Variants in HELZ observed in about 807,000 individuals in gnomAD.
The protein encoded by HELZ is helicase with zinc finger.
HELZ carries 23 observed loss-of-function variants against 218.2 expected under a neutral mutation model. The ratio of observed to expected loss-of-function variants is 0.11; its 90% CI spans 0.08 to 0.15. The LOEUF is 0.15. Ranked by LOEUF, HELZ falls within the 10% of genes least tolerant of loss-of-function variation. The pLI, the probability that HELZ is intolerant of heterozygous loss-of-function variation, is 1.00. For synonymous variants in HELZ, 814 were observed against 829.4 expected (o/e 0.98, Z 0.32); for missense variants, 1,813 against 2,353.7 (o/e 0.77, Z 4.75).
chr17:67,168,449 GA>G (rs2039214897), intron 13 of HELZ, among the ~76,000 whole-genome samples: 1 of 152,110 alleles, frequency 6.6e-6, no homozygotes. Flanking sequence ...ATAAAAGTCT[GA>G]ACACACCACT....
rs778786355 is a variant in HELZ, at chr17:67,078,447, C to A, written c.5634G>T (p.Ser1878=). ...AGCTCTGGGGGCTACTGCTATTGGC[C>A]GACTCCGCGATCTGCTTGTTAGGCA... ...PLMPNKQIAE[S]ANSSSPQSSA... The change falls in exon 33 of 33, where the codon TCG becomes TCT. Residue 1878 remains serine (S), a synonymous_variant. Transcript: ENST00000358691. 4.4e-6 allele frequency: 7 copies of A among 1,592,846 alleles called. No individual in the cohort carries two copies. Among genetic ancestry groups the A allele is most frequent in the Non-Finnish European group, 6.0e-6 (7 of 1,172,010 alleles).
intron 5 of HELZ, among the ~76,000 whole-genome samples, chr17:67,215,563 G>A (rs2040577468): frequency 6.6e-6 from 1 of 152,098 alleles, no homozygotes; most frequent in Non-Finnish European, 1.5e-5. Context: ...TGGCCAGGCT[G>A]GTCTCAAACT....
chr17:67,189,364 G>A (rs2039836232), intron 11 of HELZ, among the ~76,000 whole-genome samples: 1 of 150,702 alleles, frequency 6.6e-6, no homozygotes, highest in Admixed American at 6.6e-5. Context: ...AAATAAATAT[G>A]AAAGCACCCT....
intron 3 of HELZ, among the ~76,000 whole-genome samples, chr17:67,234,292 CA>C (rs149931184): frequency 0.37 from 30,382 of 82,876 alleles, 4,068 homozygotes; most frequent in African/African-American, 0.57. Context: ...CACTGTACTC[CA>C]AAAAAAAAAA....
In HELZ at chr17:67,076,771, C is replaced by T. The variant is rs1255941866; in HGVS notation, c.*1481G>A. On this transcript the variant is annotated 3_prime_UTR_variant, in exon 33 of 33. Transcript: ENST00000358691. Reference sequence around the variant, plus strand: ...GTACTTTGATTATAGGATTGCCTATCGAAAGTGGTCTTCCAAAAACCTGTT... The same window carrying T: ...GTACTTTGATTATAGGATTGCCTATTGAAAGTGGTCTTCCAAAAACCTGTT... 1 of 152,144 alleles carries T rather than the reference C, an allele frequency of 6.6e-6. No individual in the cohort carries two copies. The highest frequency in any genetic ancestry group is 1.5e-5 in the Non-Finnish European group (1 of 68,036). 9.4% of individuals were successfully genotyped at this position (152,144 alleles called of 1,614,324 possible).
chr17:67,109,788 A>G (rs1057073902), intron 28 of HELZ, 102 bp from the exon 29 acceptor site: 1 of 795,668 alleles, frequency 1.3e-6, no homozygotes, highest in Non-Finnish European at 2.0e-6. Flanking sequence ...TGATACATTG[A>G]TATCTTCCAG....
chr17:67,213,536 C>G (rs1456704642), intron 5 of HELZ, among the ~76,000 whole-genome samples: 1 of 152,112 alleles, frequency 6.6e-6, no homozygotes, highest in Non-Finnish European at 1.5e-5. Flanking sequence ...GCAGGAGAAT[C>G]ACTTGAACCT....
chr17:67,102,714 T>C (rs548168379), intron 31 of HELZ, among the ~76,000 whole-genome samples: 1 of 152,306 alleles, frequency 6.6e-6, no homozygotes, highest in African/African-American at 2.4e-5. Context: ...ACACTGAAAA[T>C]GTGAAAATCT....
intron 32 of HELZ, among the ~76,000 whole-genome samples, chr17:67,080,546 A>G (rs961976251): frequency 6.6e-6 from 1 of 152,112 alleles, no homozygotes; most frequent in Non-Finnish European, 1.5e-5. Context: ...TTGCCCATTT[A>G]CCCATCCAAA....
chr17:67,157,252 A>C (rs909334929), intron 17 of HELZ, among the ~76,000 whole-genome samples: 2 of 152,166 alleles, frequency 1.3e-5, no homozygotes, highest in Admixed American at 6.5e-5. Context: ...GAACGGCCTA[A>C]TACACTCATC....
At chr17:67,088,565 G>C (rs1330932557) in intron 31 of HELZ, among the ~76,000 whole-genome samples, 1 of 152,176 alleles carries the variant, frequency 6.6e-6, no homozygotes, top group Non-Finnish European at 1.5e-5. Flanking sequence ...TGTGCGGAGA[G>C]GCAGGAAAGC....
chr17:67,229,750 A>G (rs999382335), intron 3 of HELZ, among the ~76,000 whole-genome samples: 3 of 152,202 alleles, frequency 2.0e-5, no homozygotes, highest in Admixed American at 2.0e-4. Flanking sequence ...TGGAATCTAT[A>G]TAGTCCTATA....
Position 67,071,089 on chromosome 17 carries a change from G to C in HELZ, c.*7163C>G, listed in dbSNP as rs1341669615. The stretch of plus-strand genomic sequence containing the variant: ...GTATTTTAATCACCATATTTACCTA[G>C]GATACAACTACTACATATAGCCAGT... On this transcript the variant is annotated 3_prime_UTR_variant, in exon 33 of 33. Coordinates refer to ENST00000358691, the MANE Select transcript of HELZ (RefSeq NM_014877.4). 3.3e-5 allele frequency: 5 copies of C among 152,238 alleles called. No homozygotes were observed. Among genetic ancestry groups the C allele is most frequent in the African/African-American group, 1.2e-4 (5 of 41,384 alleles). The allele number at this position is 152,238 out of a possible 1,614,324, so 9.4% of individuals were successfully genotyped here. A position where few individuals can be genotyped will look rare whatever the true frequency, so the allele number is the denominator to read the frequency against.
At chr17:67,168,964 C>T (rs908653447) in intron 13 of HELZ, among the ~76,000 whole-genome samples, 1 of 152,062 alleles carries the variant, frequency 6.6e-6, no homozygotes, top group African/African-American at 2.4e-5. Flanking sequence ...TGGTGGCAGG[C>T]ACTTGTAATC....
intron 1 of HELZ, 159 bp downstream of exon 1, chr17:67,244,989 T>TCCCAGGCCCAGCCGCGGGCCG (rs2041440131): frequency 1.0e-6 from 1 of 985,314 alleles, no homozygotes; most frequent in African/African-American, 1.8e-5. Context: ...GAGCCGCGCT[T>TCCCAGGCCCAGCCGCGGGCCG]CCCAGGCCCA....
chr17:67,080,405 T>C (rs918279111), intron 32 of HELZ, among the ~76,000 whole-genome samples: 2 of 152,248 alleles, frequency 1.3e-5, no homozygotes, highest in Non-Finnish European at 2.9e-5. Context: ...CCTTCTTTAC[T>C]TTCCTCCTCT....
chr17:67,075,158 A>G lies in HELZ; in HGVS notation c.*3094T>C, dbSNP rs1323137706. 2 of 152,190 alleles carry G rather than the reference A, an allele frequency of 1.3e-5. No homozygotes were observed. Among genetic ancestry groups the G allele is most frequent in the African/African-American group, 4.8e-5 (2 of 41,456 alleles). The allele number at this position is 152,190 out of a possible 1,614,324, so 9.4% of individuals were successfully genotyped here. ...TTTAGATCATGAAAAGAATTTTTTCAGCATGAAGGCTCACTTTACAAACTC... is the reference window on the plus strand; with the variant it reads ...TTTAGATCATGAAAAGAATTTTTTCGGCATGAAGGCTCACTTTACAAACTC... On this transcript the variant is annotated 3_prime_UTR_variant, in exon 33 of 33. Coordinates refer to ENST00000358691, the MANE Select transcript of HELZ (RefSeq NM_014877.4).
chr17:67,153,818 T>A (rs1326536740), intron 17 of HELZ, among the ~76,000 whole-genome samples: 2 of 152,240 alleles, frequency 1.3e-5, no homozygotes, highest in African/African-American at 4.8e-5. Context: ...TTAAAAGGTA[T>A]GTTGTTTACT....
At position 67,188,191 on chromosome 17, in the gene HELZ, A is replaced by C; in HGVS notation, c.1162+128T>G. 2.3e-6 allele frequency: 2 copies of C among 853,620 alleles called. No homozygotes were observed. The highest frequency in any genetic ancestry group is 5.1e-5 in the Admixed American group (2 of 39,062). 52.9% of individuals were successfully genotyped at this position (853,620 alleles called of 1,614,324 possible). A position where few individuals can be genotyped will look rare whatever the true frequency, so the allele number is the denominator to read the frequency against. ...AGCCCATTACACAGTAAATGAGTCA[A>C]TTAAGTTGGGATTTTTTTCTTTATT... is the stretch of plus-strand genomic sequence containing the variant. On this transcript the variant is annotated intron_variant, in intron 12 of 32. Coordinates refer to ENST00000358691, the MANE Select transcript of HELZ (RefSeq NM_014877.4). The surrounding 1 kb of genome is among the most constrained non-coding windows in gnomAD (Gnocchi z 4.1).
Sources: gnomAD v4.1 joint callset for allele counts (sites outside exome capture counted in the v4.1 genomes callset) on GRCh38, gnomAD v4.1.1 for gene constraint, Gnocchi (gnomAD v3.1) non-coding constraint, MANE v1.5 for transcripts, NCBI Gene and HGNC (gene_info 2026-07-23, HGNC 2026-07-21) for gene names.